Variants in SOX6 observed in about 807,000 individuals in gnomAD.
The protein encoded by SOX6 is transcription factor SOX-6.
In SOX6, 11 loss-of-function variants were observed where a neutral mutation model predicts 97.8. The observed-to-expected ratio is 0.11, with a 90% CI of 0.07 to 0.19. The LOEUF is 0.19. SOX6 is among the 10% of genes least tolerant of loss of function. The probability of loss-of-function intolerance (pLI) is 1.00; values close to 1 mark genes in which losing one functional copy is unlikely to be tolerated. For synonymous variants in SOX6, 360 were observed against 371.4 expected (o/e 0.97, Z 0.35); for missense variants, 810 against 1,039.5 (o/e 0.78, Z 3.04).
At chr11:16,413,879 T>C (rs962359064) in intron 1 of SOX6, among the ~76,000 whole-genome samples, 2 of 152,246 alleles carry the variant, frequency 1.3e-5, no homozygotes, top group African/African-American at 4.8e-5. Context: ...GCCATTAATA[T>C]CTTGGGTTGA....
intron 9 of SOX6, among the ~76,000 whole-genome samples, chr11:16,057,739 T>C (rs1381698944): frequency 6.6e-6 from 1 of 152,148 alleles, no homozygotes; most frequent in Non-Finnish European, 1.5e-5. Context: ...CTAATATTCT[T>C]CTCACTTAGT....
At position 16,172,434 on chromosome 11, in the gene SOX6, G is replaced by A. The variant is rs1394347632; in HGVS notation, c.777+11452C>T. ...GCCTTTACAGGCCCTCTTCTTAAAT[G>A]TATTTTTCTAAAAATCACCTACAGC... On this transcript the variant is annotated intron_variant, in intron 6 of 15. Coordinates refer to ENST00000683767, the MANE Select transcript of SOX6 (RefSeq NM_001367873.1). 2.6e-5 allele frequency among the ~76,000 whole-genome samples: 4 copies of A among 152,074 alleles called. No individual in the cohort carries two copies. In the East Asian group the frequency reaches 5.8e-4, roughly 22 times the overall value.
intron 1 of SOX6, among the ~76,000 whole-genome samples, chr11:16,378,819 G>A (rs1590171441): frequency 6.6e-6 from 1 of 151,824 alleles, no homozygotes; most frequent in East Asian, 1.9e-4. Context: ...ATTTAAAAAA[G>A]TCTAAATCAT....
intron 3 of SOX6, among the ~76,000 whole-genome samples, chr11:16,255,587 C>T (rs533433461): frequency 2.6e-5 from 4 of 151,868 alleles, no homozygotes; most frequent in South Asian, 4.1e-4. Flanking sequence ...TCAAAGTGTG[C>T]GGGATGCAGT....
At chr11:16,498,129 C>G (rs1348230788) in intron 4 of SOX6, among the ~76,000 whole-genome samples, 1 of 152,186 alleles carries the variant, frequency 6.6e-6, no homozygotes, top group Admixed American at 6.5e-5. Context: ...TTGGCAGAAA[C>G]TCTACAAGCC....
chr11:16,164,614 G>A (rs1850836866), intron 6 of SOX6, among the ~76,000 whole-genome samples: 1 of 151,922 alleles, frequency 6.6e-6, no homozygotes, highest in Non-Finnish European at 1.5e-5. Context: ...ACGAGGTCAG[G>A]GGTTGAGACC....
At chr11:16,281,073 G>A (rs1359992978) in intron 3 of SOX6, among the ~76,000 whole-genome samples, 3 of 152,036 alleles carry the variant, frequency 2.0e-5, no homozygotes, top group Non-Finnish European at 2.9e-5. Flanking sequence ...AAACTTCCTT[G>A]CAGCTACACG....
chr11:16,126,792 C>T (rs1339493501), intron 6 of SOX6, among the ~76,000 whole-genome samples: 3 of 152,164 alleles, frequency 2.0e-5, no homozygotes, highest in African/African-American at 7.2e-5. Flanking sequence ...CTTCTTGTTA[C>T]ACTAGCCCTT....
chr11:16,724,207 T>C (rs558667448), intron 2 of SOX6, among the ~76,000 whole-genome samples: 1 of 152,306 alleles, frequency 6.6e-6, no homozygotes, highest in East Asian at 1.9e-4. Context: ...TTTGCAAGTT[T>C]TCACTCAATA....
At chr11:16,513,513 A>G (rs752465056) in intron 4 of SOX6, among the ~76,000 whole-genome samples, 10 of 152,172 alleles carry the variant, frequency 6.6e-5, no homozygotes, top group Non-Finnish European at 1.5e-4. Context: ...TGTGCCTGTA[A>G]TCCCAGCTAC....
At chr11:16,079,633 T>C (rs1454018658) in intron 9 of SOX6, among the ~76,000 whole-genome samples, 2 of 152,198 alleles carry the variant, frequency 1.3e-5, no homozygotes, top group Non-Finnish European at 2.9e-5. Context: ...AATTTACTTA[T>C]AAGTGATCAG....
chr11:16,132,312 AAGGAAGGAAGGAAGGAAG>A (rs1338432467), intron 6 of SOX6, among the ~76,000 whole-genome samples: 28 of 130,956 alleles, frequency 2.1e-4, no homozygotes, highest in South Asian at 2.0e-3. Flanking sequence ...GGAAGGAAGG[AAGGAAGGAAGGAAGGAAG>A]GAAAGAAAAA....
At chr11:16,057,000 T>G (rs1847832186) in intron 9 of SOX6, among the ~76,000 whole-genome samples, 1 of 152,140 alleles carries the variant, frequency 6.6e-6, no homozygotes, top group Admixed American at 6.6e-5. Flanking sequence ...ATGACCAAAA[T>G]GTACAGTGCA....
At chr11:16,217,664 A>G (rs940109788) in intron 4 of SOX6, among the ~76,000 whole-genome samples, 8 of 152,138 alleles carry the variant, frequency 5.3e-5, no homozygotes, top group Non-Finnish European at 1.2e-4. Flanking sequence ...TTTTATTTCT[A>G]ATAATCTCTA....
At chr11:16,304,675 G>A (rs967864150) in intron 3 of SOX6, among the ~76,000 whole-genome samples, 1 of 152,120 alleles carries the variant, frequency 6.6e-6, no homozygotes, top group African/African-American at 2.4e-5. Context: ...ATTTTTAAGT[G>A]TTCGTCTTAT....
At chr11:16,354,458 C>T (rs2134364720) in intron 1 of SOX6, among the ~76,000 whole-genome samples, 1 of 151,972 alleles carries the variant, frequency 6.6e-6, no homozygotes, top group Admixed American at 6.6e-5. Context: ...AAGAACCATG[C>T]CAAGAAAATA....
At chr11:16,220,054 T>C (rs1174168900) in intron 4 of SOX6, among the ~76,000 whole-genome samples, 1 of 152,086 alleles carries the variant, frequency 6.6e-6, no homozygotes, top group Non-Finnish European at 1.5e-5. Flanking sequence ...AGTAAAATCT[T>C]TTAAAATGTT....
chr11:16,054,466 G>T (rs904905097), intron 10 of SOX6, among the ~76,000 whole-genome samples: 1 of 152,030 alleles, frequency 6.6e-6, no homozygotes, highest in Non-Finnish European at 1.5e-5. Flanking sequence ...TTTCTTTGGA[G>T]AATCTAAAAG....
chr11:16,087,398 T>C (rs1236337035), intron 9 of SOX6, among the ~76,000 whole-genome samples: 1 of 152,180 alleles, frequency 6.6e-6, no homozygotes, highest in African/African-American at 2.4e-5. Context: ...TTTCGGTAAC[T>C]AGCATCCTAT....
Sources: allele counts gnomAD v4.1 joint callset (sites outside exome capture counted in the v4.1 genomes callset), GRCh38; gene constraint gnomAD v4.1.1; transcripts MANE v1.5; gene names NCBI Gene and HGNC (gene_info 2026-07-23, HGNC 2026-07-21).